GATM: variants seen among roughly 807,000 people sequenced by gnomAD.
GATM encodes the protein glycine amidinotransferase, also known as glycine amidinotransferase, mitochondrial.
A neutral mutation model predicts 54.2 loss-of-function variants in GATM; 23 were observed. The observed-to-expected ratio is 0.42, with a 90% CI of 0.31 to 0.60. The LOEUF (loss-of-function observed/expected upper bound fraction) is 0.60. Among genes scored for constraint, GATM ranks in the 20% least tolerant of loss-of-function variants. GATM has a pLI of 0.14. For synonymous variants in GATM, 168 were observed against 183.1 expected, an observed-to-expected ratio of 0.92 and a Z score of 0.67; for missense variants, 401 against 544.9, an observed-to-expected ratio of 0.74 and a Z score of 2.63.
At chr15:45,371,977 T>C (rs1201146539) in intron 2 of GATM, among the ~76,000 whole-genome samples, 2 of 152,234 alleles carry the variant, frequency 1.3e-5, no homozygotes, top group African/African-American at 4.8e-5. Flanking sequence ...GTTAGTTCAA[T>C]ATCCAGGTTC....
At chr15:45,364,916 T>A in intron 6 of GATM, 56 bp from the exon 7 acceptor site, 1 of 1,382,954 alleles carries the variant, frequency 7.2e-7, no homozygotes, top group South Asian at 1.2e-5. Context: ...CTATTATTAT[T>A]ATTAGTCTCT....
intron 3 of GATM, among the ~76,000 whole-genome samples, chr15:45,388,039 A>C (rs1889824489): frequency 6.6e-6 from 1 of 152,144 alleles, no homozygotes; most frequent in African/African-American, 2.4e-5. Context: ...TTAAAGACAG[A>C]ATCTTGCTAT....
rs1889559505 is a variant in GATM, at chr15:45,372,427, C to CA, written c.289-2907dup. 2.6e-5 allele frequency among the ~76,000 whole-genome samples: 4 copies of CA among 152,260 alleles called. No homozygotes were observed. The South Asian group carries it at 8.3e-4, about 32-fold the overall frequency. The stretch of plus-strand genomic sequence containing the variant: ...ATTTTTAAAGACCAAGCTACCCTTT[C>CA]AAAAAACAAAATAAAAGCACTCCAC... On this transcript the variant is annotated intron_variant, in intron 2 of 8. Coordinates refer to ENST00000396659, the MANE Select transcript of GATM (RefSeq NM_001482.3).
chr15:45,378,351 C>T, intron 1 of GATM, 34 bp downstream of exon 1: 1 of 1,494,226 alleles, frequency 6.7e-7, no homozygotes, highest in Admixed American at 2.0e-5. Context: ...GAGTGAGTCA[C>T]GCGGCCGCCA....
intron 8 of GATM, 67 bp from the exon 9 acceptor site, chr15:45,362,288 C>T (rs1010631867): frequency 1.8e-5 from 18 of 975,088 alleles, no homozygotes; most frequent in Non-Finnish European, 3.0e-5. Flanking sequence ...AGAAAGTAGG[C>T]CTACAGACTT....
At chr15:45,362,978 G>A (rs1190092191) in intron 8 of GATM, among the ~76,000 whole-genome samples, 1 of 152,168 alleles carries the variant, frequency 6.6e-6, no homozygotes, top group Non-Finnish European at 1.5e-5. Flanking sequence ...AAGGTGGCAT[G>A]AGCCATTCAG....
intron 1 of GATM, chr15:45,377,087 CAT>C (rs930765742): frequency 2.0e-6 from 1 of 494,070 alleles, no homozygotes; most frequent in African/African-American, 2.0e-5. Context: ...CCCCAGCTAC[CAT>C]ACACCCCCAT....
intron 3 of GATM, among the ~76,000 whole-genome samples, chr15:45,394,191 TCAG>T (rs1158426354): frequency 6.6e-6 from 1 of 152,152 alleles, no homozygotes; most frequent in Non-Finnish European, 1.5e-5. Context: ...TCCTGTCAGA[TCAG>T]CAGCATTAGA....
At chr15:45,362,878 T>A (rs1007834516) in intron 8 of GATM, among the ~76,000 whole-genome samples, 1 of 152,158 alleles carries the variant, frequency 6.6e-6, no homozygotes, top group African/African-American at 2.4e-5. Flanking sequence ...AAAAAGAAAA[T>A]CTATTATTCT....
Position 45,378,424 on chromosome 15 carries a change from C to T in GATM, c.30G>A (p.Gly10=), listed in dbSNP as rs929095379. ...AGTGCACCGCCTCGGCGCCGCGGCT[C>T]CCGCCGCGCAGACACCGCACCCGCA... MLRVRCLRG[G]SRGAEAVHYI... is the part of the protein sequence containing the mutation. The change falls in exon 1 of 9, where the codon GGG becomes GGA. Residue 10 remains glycine, a synonymous_variant. Coordinates refer to ENST00000396659, the MANE Select transcript of GATM (RefSeq NM_001482.3). 2 of 1,504,064 alleles carry T rather than the reference C, an allele frequency of 1.3e-6. No homozygotes were observed. Among genetic ancestry groups the T allele is most frequent in the Non-Finnish European group, 1.8e-6 (2 of 1,133,532 alleles). The allele number at this position is 1,504,064 out of a possible 1,614,324, so 93.2% of individuals were successfully genotyped here.
chr15:45,382,518 C>T (rs189716047), upstream of GATM, among the ~76,000 whole-genome samples: 2 of 152,056 alleles, frequency 1.3e-5, no homozygotes, highest in Non-Finnish European at 2.9e-5. Context: ...AAAAATTAGC[C>T]AGGTGTGTTG....
At chr15:45,390,219 G>A (rs968433856) in intron 3 of GATM, among the ~76,000 whole-genome samples, 2 of 152,202 alleles carry the variant, frequency 1.3e-5, no homozygotes, top group Non-Finnish European at 2.9e-5. Flanking sequence ...CACATGCTGA[G>A]CAAGGACTTA....
rs372413561 is a variant in GATM, at chr15:45,401,598, A to G, written c.-530+341T>C. On this transcript the variant is annotated intron_variant, in intron 1 of 4. Transcript: ENST00000561148. ...AAAAAAAATAGCAGGCAGTTGTCTTAATAACGTAGATAGGTATCGCCTCTA... is the reference window on the plus strand; with the variant it reads ...AAAAAAAATAGCAGGCAGTTGTCTTGATAACGTAGATAGGTATCGCCTCTA... Among the ~76,000 whole-genome samples, 16 of 152,376 alleles carry G rather than the reference A, an allele frequency of 1.1e-4. No individual in the cohort carries two copies. The East Asian group carries it at 3.1e-3, about 29-fold the overall frequency.
intron 2 of GATM, among the ~76,000 whole-genome samples, chr15:45,375,379 G>A (rs762120092): frequency 2.6e-4 from 40 of 152,174 alleles, no homozygotes; most frequent in South Asian, 2.1e-3. Flanking sequence ...ACCACTAGGA[G>A]TTTTTAAAAA....
At chr15:45,401,548 A>G (rs887481672) in intron 1 of GATM, among the ~76,000 whole-genome samples, 6 of 140,766 alleles carry the variant, frequency 4.3e-5, no homozygotes, top group Non-Finnish European at 8.9e-5. Flanking sequence ...CCTGTGCGAA[A>G]GGGAAAGGCA....
intron 3 of GATM, among the ~76,000 whole-genome samples, chr15:45,388,885 G>A (rs1046293221): frequency 1.3e-5 from 2 of 152,104 alleles, no homozygotes. Context: ...AACTCCCCTG[G>A]AAAGGAAGAG....
chr15:45,362,397 T>C (rs1021987095), intron 8 of GATM, among the ~76,000 whole-genome samples, 176 bp from the exon 9 acceptor site: 2 of 152,224 alleles, frequency 1.3e-5, no homozygotes, highest in Admixed American at 6.5e-5. Context: ...TCTGCTAATA[T>C]AAAATCTTCT....
intron 3 of GATM, among the ~76,000 whole-genome samples, chr15:45,387,750 G>T (rs1462326294): frequency 1.3e-5 from 2 of 152,134 alleles, no homozygotes; most frequent in Non-Finnish European, 2.9e-5. Context: ...TTTGAGAGAG[G>T]CATATTTACA....
chr15:45,370,417 AAC>A (rs943385637), intron 2 of GATM, among the ~76,000 whole-genome samples: 25 of 152,140 alleles, frequency 1.6e-4, no homozygotes, highest in African/African-American at 5.1e-4. Context: ...GAAAAAAAAA[AAC>A]ATTATTGATT....
Sources: allele counts gnomAD v4.1 joint callset (sites outside exome capture counted in the v4.1 genomes callset), GRCh38; gene constraint gnomAD v4.1.1; transcripts MANE v1.5; gene names NCBI Gene and HGNC (gene_info 2026-07-23, HGNC 2026-07-21).